SRGAP1: variants seen among roughly 807,000 people sequenced by gnomAD.
SRGAP1 encodes the protein SLIT-ROBO Rho GTPase activating protein 1, also known as SLIT-ROBO Rho GTPase-activating protein 1.
A neutral mutation model predicts 121.9 loss-of-function variants in SRGAP1; 43 were observed. The observed-to-expected ratio is 0.35, with a 90% CI of 0.28 to 0.46. The LOEUF is 0.46. Among genes scored for constraint, SRGAP1 ranks in the 20% least tolerant of loss-of-function variants. The pLI is 1.00. For synonymous variants in SRGAP1, 447 were observed against 485.4 expected, an observed-to-expected ratio of 0.92 and a Z score of 1.04; for missense variants, 1,102 against 1,350.9, an observed-to-expected ratio of 0.82 and a Z score of 2.89.
intron 1 of SRGAP1, among the ~76,000 whole-genome samples, chr12:63,856,852 C>G (rs1014283504): frequency 2.0e-5 from 3 of 152,082 alleles, no homozygotes; most frequent in Non-Finnish European, 4.4e-5. Context: ...ATTGGAATTG[C>G]GTGAAATTAT....
At chr12:64,127,171 T>C (rs1373329977) in intron 19 of SRGAP1, among the ~76,000 whole-genome samples, 1 of 152,180 alleles carries the variant, frequency 6.6e-6, no homozygotes, top group Non-Finnish European at 1.5e-5. Flanking sequence ...CCCACAATGA[T>C]GAGATTGCTT....
rs1025535603 is a variant in SRGAP1, at chr12:63,844,940, G to T, written c.67+57G>T. On this transcript the variant is annotated intron_variant, in intron 1 of 21. Transcript: ENST00000355086. This position sits in a 1 kb window ranked among gnomAD's most constrained non-coding sequence, Gnocchi z 4.3. ...TGTGTGCCTTCTTGTCATTGTGCTC[G>T]TGGAGTTGCGTATCTAACTTGGTGT... The T allele has an allele frequency of 1.1e-5, 17 of 1,526,174 alleles. No homozygotes were observed. The highest frequency in any genetic ancestry group is 4.1e-5 in the African/African-American group (3 of 73,110). The allele number at this position is 1,526,174 out of a possible 1,614,324, so 94.5% of individuals were successfully genotyped here.
intron 1 of SRGAP1, among the ~76,000 whole-genome samples, chr12:63,933,707 A>G (rs1377984904): frequency 6.6e-6 from 1 of 152,216 alleles, no homozygotes; most frequent in Admixed American, 6.5e-5. Context: ...AGGGATGCAC[A>G]AGTACACTAA....
chr12:64,089,544 G>T (rs1014660567), intron 11 of SRGAP1, among the ~76,000 whole-genome samples: 3 of 152,336 alleles, frequency 2.0e-5, no homozygotes, highest in Middle Eastern at 3.4e-3. Context: ...AGTGAAAGGA[G>T]TGGATGAAAT....
rs1353243670 is a variant in SRGAP1 at position 63,983,947 on chromosome 12, A to C, written c.68A>C (p.Glu23Ala). 4 of 1,486,026 alleles carry C rather than the reference A, an allele frequency of 2.7e-6. No individual in the cohort carries two copies. 92.1% of individuals were successfully genotyped at this position (1,486,026 alleles called of 1,614,324 possible). A position where few individuals can be genotyped will look rare whatever the true frequency, so the allele number is the denominator to read the frequency against. The change falls in exon 2 of 22, where the codon GAA becomes GCA. Residue 23 changes from glutamate (E) to alanine (A), a missense_variant and splice_region_variant. By Grantham distance (107) the Glu-to-Ala change is moderately radical (BLOSUM62 -1). Around this residue, in one of 3 missense-constraint regions of SRGAP1, gnomAD observed 747 missense variants for 929.4 expected, o/e 0.80. Transcript: ENST00000355086. ...IIAEYESQVK[E>A]IRAQLVEQQK... ...CCATTGGCTTCTCTTCTCTCCTTAG[A>C]AATTCGAGCTCAACTGGTAGAACAA...
At chr12:64,016,563 TCCC>T (rs2034408035) in intron 3 of SRGAP1, among the ~76,000 whole-genome samples, 1 of 152,224 alleles carries the variant, frequency 6.6e-6, no homozygotes, top group South Asian at 2.1e-4. Flanking sequence ...GGAGTTAATT[TCCC>T]CTTTGGTTTC....
At chr12:63,956,206 GGC>G (rs1366660995) in intron 1 of SRGAP1, among the ~76,000 whole-genome samples, 3 of 152,040 alleles carry the variant, frequency 2.0e-5, no homozygotes, top group African/African-American at 7.2e-5. Flanking sequence ...CAAAATTACT[GGC>G]TGGTCTTTAA....
In SRGAP1 at chr12:64,065,148, C is replaced by G. The variant is rs768642644; in HGVS notation, c.1054C>G (p.Gln352Glu). 1 of 1,613,506 alleles carries G rather than the reference C, an allele frequency of 6.2e-7. No homozygotes were observed. Among genetic ancestry groups the G allele is most frequent in the Non-Finnish European group, 8.5e-7 (1 of 1,179,862 alleles). ...VCQVSAQQPVQAELMLRYQQL... is the reference protein window; with the variant it reads ...VCQVSAQQPVEAELMLRYQQL... Reference sequence around the variant, plus strand: ...CCAGGTCAGTGCCCAGCAGCCAGTCCAGGCAGAGCTCATGCTCAGGTACCA... The same window carrying G: ...CCAGGTCAGTGCCCAGCAGCCAGTCGAGGCAGAGCTCATGCTCAGGTACCA... Residue 352 changes from glutamine to glutamate, a missense_variant, in exon 8 of 22, where the codon CAG (glutamine) becomes GAG (glutamate). Physicochemically the swap from Gln to Glu is conservative, Grantham distance 29 (BLOSUM62 2). Transcript: ENST00000355086.
At chr12:63,965,607 A>T (rs2032768209) in intron 1 of SRGAP1, among the ~76,000 whole-genome samples, 1 of 152,094 alleles carries the variant, frequency 6.6e-6, no homozygotes, top group Non-Finnish European at 1.5e-5. Context: ...GGAGTTCAAG[A>T]CCTGGCTGGG....
chr12:64,086,355 G>T (rs2035939338), intron 10 of SRGAP1, among the ~76,000 whole-genome samples: 1 of 152,176 alleles, frequency 6.6e-6, no homozygotes, highest in Admixed American at 6.5e-5. Flanking sequence ...CTTAAAACAA[G>T]TCAAGAAACC....
chr12:64,023,184 AAT>A (rs66972207), intron 4 of SRGAP1, among the ~76,000 whole-genome samples: 45,897 of 137,834 alleles, frequency 0.33, 8,724 homozygotes, highest in Non-Finnish European at 0.44. Flanking sequence ...TTTTATGATG[AAT>A]ATATGTTACT....
At chr12:63,925,791 C>T (rs1295005337) in intron 1 of SRGAP1, among the ~76,000 whole-genome samples, 3 of 152,148 alleles carry the variant, frequency 2.0e-5, no homozygotes, top group Non-Finnish European at 1.5e-5. Context: ...GAGATGGCAT[C>T]CTTATGTTTA....
At chr12:63,872,574 G>T (rs1899890796) in intron 1 of SRGAP1, among the ~76,000 whole-genome samples, 1 of 152,188 alleles carries the variant, frequency 6.6e-6, no homozygotes, top group South Asian at 2.1e-4. Flanking sequence ...GATAATTGAA[G>T]TATTTGATTC....
intron 6 of SRGAP1, among the ~76,000 whole-genome samples, chr12:64,060,048 CT>C (rs1187226932): frequency 2.0e-5 from 3 of 151,954 alleles, no homozygotes; most frequent in Non-Finnish European, 4.4e-5. Flanking sequence ...GCTTCTTAGA[CT>C]TTTAATGTGC....
At position 64,003,009 on chromosome 12, in the gene SRGAP1, G is replaced by T. The variant is rs551764598; in HGVS notation, c.426+12937G>T. Among the ~76,000 whole-genome samples the T allele has an allele frequency of 2.0e-4, 29 of 146,408 alleles. No homozygotes were observed. The South Asian group carries it at 4.0e-3, about 20-fold the overall frequency. On this transcript the variant is annotated intron_variant, in intron 3 of 21. Transcript: ENST00000355086. Reference sequence around the variant, plus strand: ...ATTATCTAACAAAGATCTTGGGGGGGGTGTGTATGTGAGTGAGAGAGAGAG... The same window carrying T: ...ATTATCTAACAAAGATCTTGGGGGGTGTGTGTATGTGAGTGAGAGAGAGAG...
intron 1 of SRGAP1, among the ~76,000 whole-genome samples, chr12:63,939,703 G>A (rs1046346578): frequency 6.6e-6 from 1 of 152,318 alleles, no homozygotes; most frequent in African/African-American, 2.4e-5. Flanking sequence ...CTCAGGAGAA[G>A]AAGAATTATT....
intron 6 of SRGAP1, among the ~76,000 whole-genome samples, chr12:64,049,091 G>T (rs1172810455): frequency 6.6e-6 from 1 of 152,110 alleles, no homozygotes; most frequent in Non-Finnish European, 1.5e-5. Context: ...CCAATTGCCT[G>T]GAGAGTTTCT....
intron 3 of SRGAP1, among the ~76,000 whole-genome samples, chr12:63,994,905 G>T (rs1181592977): frequency 6.6e-6 from 1 of 152,208 alleles, no homozygotes; most frequent in Admixed American, 6.5e-5. Flanking sequence ...TGGTTCTGCA[G>T]CCAGAAAATG....
intron 1 of SRGAP1, among the ~76,000 whole-genome samples, chr12:63,922,727 G>A (rs1592949162): frequency 6.6e-6 from 1 of 152,218 alleles, no homozygotes; most frequent in African/African-American, 2.4e-5. Flanking sequence ...TTGCATGGGA[G>A]GCATCTGTTT....
Sources: gnomAD v4.1 joint callset for allele counts (sites outside exome capture counted in the v4.1 genomes callset) on GRCh38, gnomAD v4.1.1 for gene constraint, gnomAD v4.1.1 regional missense constraint, Gnocchi (gnomAD v3.1) non-coding constraint, MANE v1.5 for transcripts, NCBI Gene and HGNC (gene_info 2026-07-23, HGNC 2026-07-21) for gene names.